Variants in CHCHD6 observed in about 807,000 individuals in gnomAD.
The protein encoded by CHCHD6 is MICOS complex subunit MIC25.
CHCHD6 carries 28 observed loss-of-function variants against 32.3 expected under a neutral mutation model. The observed-to-expected ratio is 0.87, with a 90% confidence interval of 0.64 to 1.19. The LOEUF is 1.19. Among genes scored for constraint, CHCHD6 ranks in the 50% most tolerant of loss-of-function variants. CHCHD6 has a pLI of 0.00. For synonymous variants in CHCHD6, 122 were observed against 117.5 expected (o/e 1.04, Z -0.25); for missense variants, 333 against 307.0 (o/e 1.08, Z -0.63).
chr3:126,797,037 T>G (rs1376704453), intron 4 of CHCHD6, among the ~76,000 whole-genome samples: 1 of 152,160 alleles, frequency 6.6e-6, no homozygotes, highest in Admixed American at 6.5e-5. Context: ...TTTCAGAGGC[T>G]TAGATGGATG....
At chr3:126,927,875 G>A (rs542516426) in intron 6 of CHCHD6, among the ~76,000 whole-genome samples, 5 of 152,292 alleles carry the variant, frequency 3.3e-5, no homozygotes, top group African/African-American at 1.2e-4. Flanking sequence ...TTTAGAGAAA[G>A]CTTTGCATCA....
chr3:126,933,400 T>C (rs1166818616), intron 6 of CHCHD6, among the ~76,000 whole-genome samples: 2 of 152,196 alleles, frequency 1.3e-5, no homozygotes, highest in African/African-American at 4.8e-5. Flanking sequence ...TTTGCATTGC[T>C]GTAAAGGAAT....
intron 1 of CHCHD6, among the ~76,000 whole-genome samples, chr3:126,724,922 C>A (rs939234415): frequency 2.2e-4 from 34 of 152,342 alleles, no homozygotes; most frequent in African/African-American, 7.9e-4. Flanking sequence ...TCAGGCTCCA[C>A]TTCTAATTCT....
intron 5 of CHCHD6, among the ~76,000 whole-genome samples, chr3:126,857,663 C>G (rs763462494): frequency 6.6e-6 from 1 of 152,078 alleles, no homozygotes; most frequent in Non-Finnish European, 1.5e-5. Context: ...ATAGGATTTC[C>G]ACTTCACAGG....
chr3:126,791,293 CTG>C (rs1370096498), intron 4 of CHCHD6, among the ~76,000 whole-genome samples: 1 of 152,262 alleles, frequency 6.6e-6, no homozygotes, highest in African/African-American at 2.4e-5. Context: ...AGGAGGCAGT[CTG>C]TCCATTCTCA....
At chr3:126,860,543 T>A (rs184223437) in intron 5 of CHCHD6, among the ~76,000 whole-genome samples, 1 of 152,248 alleles carries the variant, frequency 6.6e-6, no homozygotes, top group Admixed American at 6.5e-5. Flanking sequence ...CATGTATACA[T>A]ATGTAACAAA....
intron 6 of CHCHD6, among the ~76,000 whole-genome samples, chr3:126,948,086 C>G (rs1439303856): frequency 5.3e-5 from 8 of 152,210 alleles, no homozygotes; most frequent in African/African-American, 1.9e-4. Context: ...ATCAGAGATA[C>G]ATTGGTCCCC....
Position 126,733,095 on chromosome 3 carries a change from CT to C in CHCHD6, c.285del (p.Ala96LeufsTer53). On this transcript the variant is annotated frameshift_variant, in exon 4 of 8. Transcript: ENST00000290913. LOFTEE classifies it high-confidence loss of function. ...EGVKRYEQEHAAIQDKLFQVA... is the reference protein window; with the variant it reads ...EGVKRYEQEHXAIQDKLFQVA... ...CTGCACAGGTATGAACAGGAGCATGCTGCTATCCAGGATAAGCTCTTCCAGG... is the reference window on the plus strand; with the variant it reads ...CTGCACAGGTATGAACAGGAGCATGCGCTATCCAGGATAAGCTCTTCCAGG... 1.9e-6 allele frequency: 3 copies of C among 1,614,214 alleles called. No individual in the cohort carries two copies. The highest frequency in any genetic ancestry group is 2.5e-6 in the Non-Finnish European group (3 of 1,180,028).
At chr3:126,837,856 T>A (rs749419281) in intron 4 of CHCHD6, among the ~76,000 whole-genome samples, 45 of 152,220 alleles carry the variant, frequency 3.0e-4, no homozygotes, top group Non-Finnish European at 6.0e-4. Flanking sequence ...TAACCATCCC[T>A]GAGCATTTCC....
At chr3:126,864,381 A>G (rs1196947994) in intron 5 of CHCHD6, among the ~76,000 whole-genome samples, 8 of 124,360 alleles carry the variant, frequency 6.4e-5, no homozygotes, top group African/African-American at 2.2e-4. Context: ...CTCCACCATC[A>G]CTACTACACC....
intron 4 of CHCHD6, among the ~76,000 whole-genome samples, chr3:126,751,407 C>T (rs1006778122): frequency 6.7e-6 from 1 of 149,582 alleles, no homozygotes; most frequent in African/African-American, 2.5e-5. Context: ...GAAGCTGAGG[C>T]ACGAGAATTG....
chr3:126,771,959 G>C (rs960759631), intron 4 of CHCHD6, among the ~76,000 whole-genome samples: 5 of 152,180 alleles, frequency 3.3e-5, no homozygotes, highest in African/African-American at 1.2e-4. Flanking sequence ...GAGTTCTGTA[G>C]ATGTATATTA....
chr3:126,752,662 C>CT (rs1170500393), intron 4 of CHCHD6, among the ~76,000 whole-genome samples: 1 of 152,110 alleles, frequency 6.6e-6, no homozygotes, highest in Non-Finnish European at 1.5e-5. Context: ...TGTGGCTGCC[C>CT]TGGGGGACAG....
Position 126,849,600 on chromosome 3 carries a change from C to A in CHCHD6, c.412-3047C>A, listed in dbSNP as rs1941403016. On this transcript the variant is annotated intron_variant, in intron 4 of 7. Coordinates refer to ENST00000290913, the MANE Select transcript of CHCHD6 (RefSeq NM_032343.3). ...CATTTTACCTTTATATTAGAGTCAACATTCTTAATTTCAAAATTTTTCCCT... is the reference window on the plus strand; with the variant it reads ...CATTTTACCTTTATATTAGAGTCAAAATTCTTAATTTCAAAATTTTTCCCT... 2.0e-5 allele frequency among the ~76,000 whole-genome samples: 3 copies of A among 152,190 alleles called. No homozygotes were observed. In the South Asian group the frequency reaches 6.2e-4, roughly 32 times the overall value.
In CHCHD6 at chr3:126,913,178, A is replaced by T. The variant is rs73861725; in HGVS notation, c.496-1502A>T. ...AAGCTCCCATTTGCTCATCTGTAGA[A>T]CGGGGATAATCATGCTGCCCGTATG... On this transcript the variant is annotated intron_variant, in intron 5 of 7. Transcript: ENST00000290913. 3.3e-3 allele frequency among the ~76,000 whole-genome samples: 446 copies of T among 133,942 alleles called. 3 individuals are homozygous for T. The highest frequency in any genetic ancestry group is 0.011 in the African/African-American group (406 of 35,690). The allele number at this position is 133,942 out of a possible 152,430, so 87.9% of individuals were successfully genotyped here.
intron 6 of CHCHD6, among the ~76,000 whole-genome samples, chr3:126,928,165 G>T (rs2078351828): frequency 6.6e-6 from 1 of 152,270 alleles, no homozygotes; most frequent in African/African-American, 2.4e-5. Flanking sequence ...GGACTGCTGT[G>T]GCAGAGGCTG....
At chr3:126,713,597 A>T (rs1488524703) in intron 1 of CHCHD6, among the ~76,000 whole-genome samples, 1 of 151,702 alleles carries the variant, frequency 6.6e-6, no homozygotes, top group Non-Finnish European at 1.5e-5. Context: ...TCCCCTGCAG[A>T]CTCTGTGGTC....
At chr3:126,868,618 A>C (rs917016826) in intron 5 of CHCHD6, among the ~76,000 whole-genome samples, 4 of 152,196 alleles carry the variant, frequency 2.6e-5, no homozygotes, top group Non-Finnish European at 4.4e-5. Flanking sequence ...GGCTTCTGCT[A>C]TGGTAAAATT....
chr3:126,754,184 C>T (rs1205574658), intron 4 of CHCHD6, among the ~76,000 whole-genome samples: 1 of 152,212 alleles, frequency 6.6e-6, no homozygotes, highest in Non-Finnish European at 1.5e-5. Flanking sequence ...AGAATCTCAT[C>T]TGTGTTACTG....
Sources: allele counts gnomAD v4.1 joint callset (sites outside exome capture counted in the v4.1 genomes callset), GRCh38; gene constraint gnomAD v4.1.1; transcripts MANE v1.5; gene names NCBI Gene and HGNC (gene_info 2026-07-23, HGNC 2026-07-21).